The following KIAA0825 variants were observed in gnomAD, a reference collection of about 807,000 sequenced individuals.
KIAA0825 encodes KIAA0825.
In KIAA0825, 119 loss-of-function variants were observed where a neutral mutation model predicts 147.6. The ratio of observed to expected loss-of-function variants is 0.81; its 90% CI spans 0.69 to 0.94. KIAA0825 has a LOEUF of 0.94. KIAA0825 is among the 40% of genes least tolerant of loss of function. The pLI is 0.00. For missense variants in KIAA0825, 1,381 were observed against 1,472.7 expected, an observed-to-expected ratio of 0.94 and a Z score of 1.02; for synonymous variants, 470 against 518.1, an observed-to-expected ratio of 0.91 and a Z score of 1.26.
chr5:94,462,984 C>A (rs1240464147), intron 11 of KIAA0825, among the ~76,000 whole-genome samples: 1 of 151,832 alleles, frequency 6.6e-6, no homozygotes, highest in Admixed American at 6.6e-5. Context: ...ATTCTCCTCA[C>A]TCATATGTAA....
chr5:94,531,799 A>G (rs1202997688), intron 3 of KIAA0825, among the ~76,000 whole-genome samples: 2 of 152,252 alleles, frequency 1.3e-5, no homozygotes, highest in Non-Finnish European at 2.9e-5. Flanking sequence ...GATTGCAAAC[A>G]TTAATTTGCA....
intron 1 of KIAA0825, chr5:94,593,854 G>A (rs1194054100): frequency 5.6e-6 from 2 of 355,788 alleles, no homozygotes; most frequent in African/African-American, 2.2e-5. Flanking sequence ...CAACTGAGAT[G>A]TCCATTCTGG....
intron 20 of KIAA0825, among the ~76,000 whole-genome samples, chr5:94,154,600 T>A (rs1404958603): frequency 1.1e-4 from 16 of 152,160 alleles, no homozygotes; most frequent in African/African-American, 3.9e-4. Flanking sequence ...GTCAGTGTAT[T>A]TCTTGAAATA....
At chr5:94,154,269 A>G in intron 20 of KIAA0825, 145 bp from the exon 21 acceptor site, 1 of 638,602 alleles carries the variant, frequency 1.6e-6, no homozygotes, top group South Asian at 1.9e-5. Flanking sequence ...CTCTTGGGTA[A>G]TACAATTCAT....
chr5:94,546,591 T>C (rs1774430381), intron 2 of KIAA0825, among the ~76,000 whole-genome samples: 1 of 151,844 alleles, frequency 6.6e-6, no homozygotes, highest in Non-Finnish European at 1.5e-5. Flanking sequence ...AGTCTCTGTT[T>C]GATAATCTAG....
intron 2 of KIAA0825, among the ~76,000 whole-genome samples, chr5:94,553,623 GGGCA>G (rs1056599706): frequency 1.3e-5 from 2 of 150,958 alleles, no homozygotes; most frequent in African/African-American, 2.4e-5. Flanking sequence ...AAAATTAGCC[GGGCA>G]TGGTGGCAGA....
chr5:94,440,085 C>T lies in KIAA0825; in HGVS notation c.2394G>A (p.Gln798=), dbSNP rs772006270. ...PSAGGLKAEG[Q]LKLLLSQPRC... ...GTGGCTGGGATAAGAGCAGTTTCAACTGACCCTCGGCTTTCAGTCCTCCAG... is the reference window on the plus strand; with the variant it reads ...GTGGCTGGGATAAGAGCAGTTTCAATTGACCCTCGGCTTTCAGTCCTCCAG... The change falls in exon 14 of 21, where the codon CAG becomes CAA. Residue 798 remains glutamine, a synonymous_variant. Coordinates refer to ENST00000682413, the MANE Select transcript of KIAA0825 (RefSeq NM_001145678.3). 4.3e-5 allele frequency: 67 copies of T among 1,551,386 alleles called. No homozygotes were observed. The Middle Eastern group carries it at 5.0e-4, about 12-fold the overall frequency.
chr5:94,350,794 A>G (rs761915814), intron 20 of KIAA0825, among the ~76,000 whole-genome samples: 2 of 152,194 alleles, frequency 1.3e-5, no homozygotes, highest in Non-Finnish European at 2.9e-5. Context: ...AATAAAAGCC[A>G]TCTATGACAA....
At position 94,358,330 on chromosome 5, in the gene KIAA0825, G is replaced by A. The variant is rs529415472; in HGVS notation, c.3710+26038C>T. ...GGTGGGAAGGGAGAGACAGGGAACT[G>A]AAAGAGAGGATAAACCAAAGGTCTG... On this transcript the variant is annotated intron_variant, in intron 20 of 20. Coordinates refer to ENST00000682413, the MANE Select transcript of KIAA0825 (RefSeq NM_001145678.3). Among the ~76,000 whole-genome samples the A allele has an allele frequency of 2.0e-5, 3 of 152,310 alleles. No homozygotes were observed. In the East Asian group the frequency reaches 5.8e-4, roughly 29 times the overall value.
chr5:94,296,824 A>G (rs1312075063), intron 20 of KIAA0825, among the ~76,000 whole-genome samples: 1 of 152,172 alleles, frequency 6.6e-6, no homozygotes, highest in Non-Finnish European at 1.5e-5. Flanking sequence ...GCTGCAGACC[A>G]GAGCTGTTCC....
chr5:94,601,885 G>T (rs1331203065), intron 1 of KIAA0825, among the ~76,000 whole-genome samples: 3 of 152,152 alleles, frequency 2.0e-5, no homozygotes, highest in Non-Finnish European at 4.4e-5. Flanking sequence ...CGAGAAATAT[G>T]GGGTTACGTA....
intron 20 of KIAA0825, among the ~76,000 whole-genome samples, chr5:94,350,111 C>A (rs1210299264): frequency 6.6e-6 from 1 of 151,960 alleles, no homozygotes; most frequent in Non-Finnish European, 1.5e-5. Context: ...CAACTGACAC[C>A]ACTGAAATAC....
intron 20 of KIAA0825, among the ~76,000 whole-genome samples, chr5:94,299,963 C>A (rs1036052663): frequency 4.6e-5 from 7 of 151,848 alleles, no homozygotes; most frequent in African/African-American, 1.7e-4. Context: ...TAAAAACAGA[C>A]AATTGTGGGC....
intron 20 of KIAA0825, among the ~76,000 whole-genome samples, chr5:94,171,910 T>A (rs1768651184): frequency 6.6e-6 from 1 of 152,046 alleles, no homozygotes; most frequent in Non-Finnish European, 1.5e-5. Flanking sequence ...GAAGGATCCT[T>A]AAGACATCCT....
At chr5:94,450,592 T>C (rs192120601) in intron 13 of KIAA0825, among the ~76,000 whole-genome samples, 3 of 152,082 alleles carry the variant, frequency 2.0e-5, no homozygotes, top group Admixed American at 2.0e-4. Flanking sequence ...CCCATTCCTG[T>C]AAGCCCTTTT....
intron 20 of KIAA0825, among the ~76,000 whole-genome samples, chr5:94,365,193 AC>A (rs1429117067): frequency 6.6e-6 from 1 of 151,846 alleles, no homozygotes; most frequent in Non-Finnish European, 1.5e-5. Flanking sequence ...CCATTTGGGC[AC>A]CCCCGCTCTC....
At chr5:94,198,652 G>T (rs571853692) in intron 20 of KIAA0825, among the ~76,000 whole-genome samples, 1 of 152,228 alleles carries the variant, frequency 6.6e-6, no homozygotes, top group African/African-American at 2.4e-5. Context: ...AATGCATGCA[G>T]GGCTTAAAAC....
chr5:94,259,070 C>T lies in KIAA0825; in HGVS notation c.3711-104946G>A, dbSNP rs1479737927. On this transcript the variant is annotated intron_variant, in intron 20 of 20. Coordinates refer to ENST00000682413, the MANE Select transcript of KIAA0825 (RefSeq NM_001145678.3). The stretch of plus-strand genomic sequence containing the variant: ...TAACTTTTCCCAATTTGGTCCACTC[C>T]GGGGAGTAACTTTCAATTTTGCTAG... 5.3e-5 allele frequency among the ~76,000 whole-genome samples: 8 copies of T among 152,010 alleles called. No individual in the cohort carries two copies. In the East Asian group the frequency reaches 7.7e-4, roughly 15 times the overall value.
chr5:94,390,775 T>C (rs1409513705), intron 18 of KIAA0825, among the ~76,000 whole-genome samples: 4 of 152,254 alleles, frequency 2.6e-5, no homozygotes, highest in Non-Finnish European at 5.9e-5. Flanking sequence ...GCCTACATTA[T>C]TGAGATAAAA....
Sources: gnomAD v4.1 joint callset for allele counts (sites outside exome capture counted in the v4.1 genomes callset) on GRCh38, gnomAD v4.1.1 for gene constraint, MANE v1.5 for transcripts, NCBI Gene and HGNC (gene_info 2026-07-23, HGNC 2026-07-21) for gene names.